Variants in RPRD2 observed in about 807,000 individuals in gnomAD.
The protein encoded by RPRD2 is regulation of nuclear pre-mRNA domain-containing protein 2.
Under a neutral mutation model 104.4 loss-of-function variants are expected in RPRD2, and 12 were observed. The ratio of observed to expected loss-of-function variants is 0.11; its 90% CI spans 0.07 to 0.19. The LOEUF is 0.19. Ranked by LOEUF, RPRD2 falls within the 10% of genes least tolerant of loss-of-function variation. The pLI is 1.00. For missense variants in RPRD2, 1,543 were observed against 1,790.1 expected (o/e 0.86, Z 2.49); for synonymous variants, 714 against 684.9 (o/e 1.04, Z -0.66).
intron 1 of RPRD2, among the ~76,000 whole-genome samples, chr1:150,368,899 C>T (rs1402438198): frequency 1.3e-5 from 2 of 152,130 alleles, no homozygotes; most frequent in Non-Finnish European, 2.9e-5. Context: ...TGAGCCACTG[C>T]ACCCGGCTTC....
chr1:150,402,776 G>A (rs781979572), intron 1 of RPRD2, among the ~76,000 whole-genome samples: 2 of 152,150 alleles, frequency 1.3e-5, no homozygotes, highest in African/African-American at 2.4e-5. Flanking sequence ...ATACCAGCCT[G>A]ACCAACATGG....
intron 5 of RPRD2, among the ~76,000 whole-genome samples, chr1:150,444,023 A>G (rs1275613982): frequency 6.6e-6 from 1 of 152,184 alleles, no homozygotes; most frequent in African/African-American, 2.4e-5. Context: ...ATTTCAAAAA[A>G]TAAATAAATA....
chr1:150,364,736 G>A lies in RPRD2; in HGVS notation c.22G>A (p.Gly8Ser). The A allele has an allele frequency of 6.3e-7, 1 of 1,584,044 alleles. No individual in the cohort carries two copies. Among genetic ancestry groups the A allele is most frequent in the Non-Finnish European group, 8.6e-7 (1 of 1,165,022 alleles). ...GAAGATGGCGGCCGGCGGCGGCGGA[G>A]GCAGCAGTAAGGCCTCCTCCTCGTC... MAAGGGG[G>S]SSKASSSSAS... The change falls in exon 1 of 11, where the codon GGC (glycine) becomes AGC (serine). Residue 8 changes from glycine (G) to serine (S), a missense_variant. Around this residue, in one of 4 missense-constraint regions of RPRD2, gnomAD observed 88 missense variants for 96.6 expected, o/e 0.91. Transcript: ENST00000369068.
At chr1:150,467,674 G>A (rs1482083285) in intron 10 of RPRD2, among the ~76,000 whole-genome samples, 2 of 152,000 alleles carry the variant, frequency 1.3e-5, no homozygotes, top group African/African-American at 4.8e-5. Flanking sequence ...GTGCCTGGCC[G>A]ATGTGAAATT....
intron 9 of RPRD2, among the ~76,000 whole-genome samples, chr1:150,461,260 TAATA>T (rs1380284601): frequency 2.6e-5 from 4 of 151,780 alleles, no homozygotes; most frequent in Non-Finnish European, 5.9e-5. Context: ...AAAAATTTTT[TAATA>T]AATATCTATA....
At chr1:150,396,198 G>GTTTTTTTTTTTT (rs34604351) in intron 1 of RPRD2, among the ~76,000 whole-genome samples, 1 of 134,074 alleles carries the variant, frequency 7.5e-6, no homozygotes. Context: ...TCGTCTGTGT[G>GTTTTTTTTTTTT]TTTTTTTTTT....
chr1:150,446,512 C>T (rs1666781804), intron 7 of RPRD2, 111 bp downstream of exon 7: 2 of 948,972 alleles, frequency 2.1e-6, no homozygotes, highest in East Asian at 2.6e-5. Context: ...CTCCTTATCG[C>T]AGATGAAATT....
intron 1 of RPRD2, among the ~76,000 whole-genome samples, chr1:150,383,709 T>C (rs1489397669): frequency 6.6e-6 from 1 of 152,156 alleles, no homozygotes; most frequent in African/African-American, 2.4e-5. Context: ...ACAATTTCAC[T>C]TTAAGAAGAC....
At chr1:150,400,364 C>T (rs900073639) in intron 1 of RPRD2, among the ~76,000 whole-genome samples, 3 of 152,052 alleles carry the variant, frequency 2.0e-5, no homozygotes, top group Admixed American at 2.0e-4. Context: ...CTTTCCCTTG[C>T]CTTATTGCAT....
At chr1:150,429,096 CT>C (rs781880204) in intron 2 of RPRD2, among the ~76,000 whole-genome samples, 705 of 107,740 alleles carry the variant, frequency 6.5e-3, no homozygotes, top group Non-Finnish European at 7.0e-3. Context: ...TCAGTAGTGG[CT>C]TTTTTTTTTT....
At chr1:150,457,684 A>G in intron 8 of RPRD2, 114 bp downstream of exon 8, 1 of 887,536 alleles carries the variant, frequency 1.1e-6, no homozygotes, top group Non-Finnish European at 1.8e-6. Flanking sequence ...AAGATAGAAC[A>G]CCAAGGTAGC....
chr1:150,449,865 TCTC>T (rs1454557319), intron 7 of RPRD2, among the ~76,000 whole-genome samples: 1 of 152,180 alleles, frequency 6.6e-6, no homozygotes, highest in East Asian at 1.9e-4. Context: ...ATCTCCCTCC[TCTC>T]CTCTTGGAAC....
intron 10 of RPRD2, among the ~76,000 whole-genome samples, chr1:150,466,863 G>A (rs1338556256): frequency 6.6e-6 from 1 of 152,048 alleles, no homozygotes; most frequent in Non-Finnish European, 1.5e-5. Flanking sequence ...CAAATACCAG[G>A]GCAATATATT....
intron 5 of RPRD2, 57 bp downstream of exon 5, chr1:150,443,340 A>C: frequency 8.3e-7 from 1 of 1,202,458 alleles, no homozygotes; most frequent in Admixed American, 2.0e-5. Context: ...TTTGTATTAT[A>C]GTTTCCTGTA....
intron 7 of RPRD2, among the ~76,000 whole-genome samples, chr1:150,451,839 C>T (rs1165882983): frequency 6.6e-6 from 1 of 150,668 alleles, no homozygotes; most frequent in African/African-American, 2.4e-5. Context: ...AACTGGTGTC[C>T]ATATAAGAAG....
intron 2 of RPRD2, among the ~76,000 whole-genome samples, chr1:150,428,028 A>G (rs1397421584): frequency 4.6e-5 from 7 of 152,208 alleles, no homozygotes; most frequent in Admixed American, 3.3e-4. Context: ...GTTTGATTAC[A>G]TAAAAATTAA....
At chr1:150,433,038 A>G (rs189075220) in intron 2 of RPRD2, among the ~76,000 whole-genome samples, 4 of 152,184 alleles carry the variant, frequency 2.6e-5, no homozygotes, top group African/African-American at 9.6e-5. Flanking sequence ...GAAATGATAT[A>G]TGTTTGAGGT....
rs1289707242 is a variant in RPRD2 at position 150,470,766 on chromosome 1, C to G, written c.1818C>G (p.Ala606=). 65 of 1,613,946 alleles carry G rather than the reference C, an allele frequency of 4.0e-5. No homozygotes were observed. In the Admixed American group the frequency reaches 6.0e-4, roughly 15 times the overall value. Residue 606 remains alanine, a synonymous_variant, in exon 11 of 11, where the codon GCC becomes GCG. Coordinates refer to ENST00000369068, the MANE Select transcript of RPRD2 (RefSeq NM_015203.5). ...SSTSEVSSTS[A]SKASIGQSPG... is the part of the protein sequence containing the mutation. The stretch of plus-strand genomic sequence containing the variant: ...CTTCTGAAGTCTCTTCAACTTCAGC[C>G]AGCAAGGCCTCAATTGGGCAAAGCC...
intron 7 of RPRD2, among the ~76,000 whole-genome samples, chr1:150,449,821 C>G (rs781873868): frequency 2.0e-5 from 3 of 152,264 alleles, no homozygotes; most frequent in Admixed American, 2.0e-4. Context: ...TTCAAAAATT[C>G]TCAGCTATTG....
Sources: gnomAD v4.1 joint callset for allele counts (sites outside exome capture counted in the v4.1 genomes callset) on GRCh38, gnomAD v4.1.1 for gene constraint, gnomAD v4.1.1 regional missense constraint, MANE v1.5 for transcripts, NCBI Gene and HGNC (gene_info 2026-07-23, HGNC 2026-07-21) for gene names.